The following HERC3 variants were observed in gnomAD, a reference collection of about 807,000 sequenced individuals.
HERC3 encodes the protein probable E3 ubiquitin-protein ligase HERC3.
HERC3 carries 58 observed loss-of-function variants against 129.9 expected under a neutral mutation model. The ratio of observed to expected loss-of-function variants is 0.45; its 90% CI spans 0.36 to 0.56. The LOEUF is 0.56. Ranked by LOEUF, HERC3 falls within the 20% of genes least tolerant of loss-of-function variation. The pLI, the probability that HERC3 is intolerant of heterozygous loss-of-function variation, is 0.00. For missense variants in HERC3, 835 were observed against 1,244.2 expected (o/e 0.67, Z 4.95); for synonymous variants, 430 against 451.0 (o/e 0.95, Z 0.59).
At chr4:88,645,128 C>T (rs988791571) in intron 3 of HERC3, among the ~76,000 whole-genome samples, 1 of 152,012 alleles carries the variant, frequency 6.6e-6, no homozygotes, top group Non-Finnish European at 1.5e-5. Context: ...GTCTGCTGCA[C>T]CCCACAGACT....
At chr4:88,624,254 A>G (rs1263067132) in intron 3 of HERC3, among the ~76,000 whole-genome samples, 2 of 152,190 alleles carry the variant, frequency 1.3e-5, no homozygotes, top group Non-Finnish European at 2.9e-5. Flanking sequence ...TTGTGTAGAC[A>G]TATGTTTTCA....
At chr4:88,646,952 C>T (rs1424876418) in intron 3 of HERC3, among the ~76,000 whole-genome samples, 3 of 152,138 alleles carry the variant, frequency 2.0e-5, no homozygotes, top group African/African-American at 4.8e-5. Context: ...GCTGGATTTC[C>T]TGTTGTTCCT....
rs1314488812 is a variant in HERC3, at chr4:88,668,184, A to G, written c.1633+103A>G. The G allele has an allele frequency of 3.4e-5, 32 of 936,792 alleles. No individual in the cohort carries two copies. In the East Asian group the frequency reaches 7.6e-4, roughly 22 times the overall value. 58.0% of individuals were successfully genotyped at this position (936,792 alleles called of 1,614,324 possible). A position where few individuals can be genotyped will look rare whatever the true frequency, so the allele number is the denominator to read the frequency against. ...GAGATCCAAGAATCTATTTGTTGCC[A>G]TTTAATATCCTTAACACTTAAAACC... On this transcript the variant is annotated intron_variant, in intron 14 of 25. Transcript: ENST00000402738.
chr4:88,665,539 T>G (rs1401825713), intron 12 of HERC3, among the ~76,000 whole-genome samples: 1 of 152,246 alleles, frequency 6.6e-6, no homozygotes, highest in Admixed American at 6.5e-5. Flanking sequence ...CTACCCACAC[T>G]GAATGAGGAT....
upstream of HERC3, among the ~76,000 whole-genome samples, chr4:88,591,386 C>G (rs28436223): frequency 0.18 from 27,778 of 152,042 alleles, 4,990 homozygotes; most frequent in African/African-American, 0.46. Flanking sequence ...ATACACCACT[C>G]CTTGAAACTT....
intron 3 of HERC3, among the ~76,000 whole-genome samples, chr4:88,641,754 A>T (rs563161563): frequency 6.6e-6 from 1 of 152,290 alleles, no homozygotes. Context: ...CTCAACCAAG[A>T]TGCAATAGAT....
At chr4:88,607,441 G>A (rs959767953) in intron 3 of HERC3, among the ~76,000 whole-genome samples, 2 of 151,968 alleles carry the variant, frequency 1.3e-5, no homozygotes, top group Non-Finnish European at 2.9e-5. Flanking sequence ...TTTTAAGCTT[G>A]TTGATTTTAT....
At chr4:88,631,020 G>C (rs148287603) in intron 3 of HERC3, among the ~76,000 whole-genome samples, 1 of 152,272 alleles carries the variant, frequency 6.6e-6, no homozygotes, top group African/African-American at 2.4e-5. Context: ...CTAGCTTATT[G>C]CATCTGAAAG....
the HERC3 span, among the ~76,000 whole-genome samples, chr4:88,554,716 G>A: frequency 1.3e-5 from 2 of 152,154 alleles, no homozygotes; most frequent in Non-Finnish European, 2.9e-5. Context: ...ATGATACCTT[G>A]GCATTTAACT....
the HERC3 span, among the ~76,000 whole-genome samples, chr4:88,569,638 G>GC: frequency 1.2e-3 from 177 of 152,148 alleles, no homozygotes; most frequent in Non-Finnish European, 1.8e-3. Context: ...TTGTTAATTT[G>GC]CCCCCATTTG....
chr4:88,524,842 A>G, the HERC3 span: 1 of 151,900 alleles, frequency 6.6e-6, no homozygotes, highest in South Asian at 2.1e-4. Flanking sequence ...ATCAACCTGA[A>G]CTTTTTTTTT....
intron 3 of HERC3, among the ~76,000 whole-genome samples, chr4:88,637,290 A>T (rs1398401485): frequency 6.6e-6 from 1 of 150,672 alleles, no homozygotes; most frequent in Non-Finnish European, 1.5e-5. Flanking sequence ...GCCGGGCATG[A>T]TGGCGGACGC....
chr4:88,573,937 G>C, the HERC3 span, among the ~76,000 whole-genome samples: 40 of 152,232 alleles, frequency 2.6e-4, no homozygotes, highest in African/African-American at 8.7e-4. Context: ...GTCAGAAATG[G>C]AATGATCCTT....
the HERC3 span, among the ~76,000 whole-genome samples, chr4:88,581,369 G>T: frequency 6.6e-6 from 1 of 151,220 alleles, no homozygotes; most frequent in South Asian, 2.1e-4. Context: ...GGCATGATCT[G>T]GGCTCACTGC....
At chr4:88,547,686 C>T in the HERC3 span, among the ~76,000 whole-genome samples, 1 of 152,120 alleles carries the variant, frequency 6.6e-6, no homozygotes, top group Non-Finnish European at 1.5e-5. Flanking sequence ...GACAGAGTCT[C>T]GCTCTGTCAC....
intron 16 of HERC3, among the ~76,000 whole-genome samples, chr4:88,675,374 C>G (rs963872707): frequency 4.6e-5 from 7 of 152,152 alleles, no homozygotes; most frequent in African/African-American, 1.7e-4. Flanking sequence ...ACAAATGTAA[C>G]TTAATGTGTT....
At chr4:88,549,515 C>A in the HERC3 span, among the ~76,000 whole-genome samples, 3 of 152,066 alleles carry the variant, frequency 2.0e-5, no homozygotes, top group African/African-American at 7.2e-5. Context: ...ATCTTTATGT[C>A]CATGTGAACT....
the HERC3 span, among the ~76,000 whole-genome samples, chr4:88,549,894 G>A: frequency 2.0e-5 from 3 of 152,092 alleles, no homozygotes; most frequent in Admixed American, 6.6e-5. Flanking sequence ...GCCAGCCTGC[G>A]GATGTGACCA....
upstream of HERC3, among the ~76,000 whole-genome samples, chr4:88,589,320 C>T (rs951264897): frequency 3.9e-5 from 6 of 152,160 alleles, no homozygotes; most frequent in Admixed American, 3.3e-4. Flanking sequence ...TGGCCTCAAG[C>T]GATGCTCTTG....
Sources: allele counts gnomAD v4.1 joint callset (sites outside exome capture counted in the v4.1 genomes callset), GRCh38; gene constraint gnomAD v4.1.1; transcripts MANE v1.5; gene names NCBI Gene and HGNC (gene_info 2026-07-23, HGNC 2026-07-21).